The following KCNIP4 variants were observed in gnomAD, a reference collection of about 807,000 sequenced individuals.
KCNIP4 encodes the protein Kv channel-interacting protein 4.
Under a neutral mutation model 34.0 loss-of-function variants are expected in KCNIP4, and 12 were observed. That is an observed-to-expected ratio of 0.35 (90% CI 0.23 to 0.57). The LOEUF (loss-of-function observed/expected upper bound fraction) is 0.57, where lower values mean the gene tolerates loss of function less well. Ranked by LOEUF, KCNIP4 falls within the 20% of genes least tolerant of loss-of-function variation. The pLI, the probability that KCNIP4 is intolerant of heterozygous loss-of-function variation, is 0.83. For missense variants in KCNIP4, 238 were observed against 311.7 expected, an observed-to-expected ratio of 0.76 and a Z score of 1.78; for synonymous variants, 124 against 102.2, an observed-to-expected ratio of 1.21 and a Z score of -1.29.
chr4:21,673,217 A>G (rs1388237610), intron 1 of KCNIP4, among the ~76,000 whole-genome samples: 1 of 152,092 alleles, frequency 6.6e-6, no homozygotes, highest in East Asian at 1.9e-4. Flanking sequence ...AAATAAAACA[A>G]CTCTAATGAA....
At position 20,731,824 on chromosome 4, in the gene KCNIP4, A is replaced by T. The variant is rs924631500; in HGVS notation, c.705+182T>A. ...CATAGCCTGACTCAGTGGGCACTCT[A>T]AATGTTGATTATGTAATTGGTGCTT... On this transcript the variant is annotated intron_variant, in intron 8 of 8. Transcript: ENST00000382152. 3 of 985,230 alleles carry T rather than the reference A, an allele frequency of 3.0e-6. No individual in the cohort carries two copies. In the African/African-American group the frequency reaches 5.2e-5, roughly 17 times the overall value. The allele number at this position is 985,230 out of a possible 1,614,324, so 61.0% of individuals were successfully genotyped here.
intron 1 of KCNIP4, among the ~76,000 whole-genome samples, chr4:21,685,547 G>A (rs1362120401): frequency 2.6e-5 from 4 of 152,152 alleles, no homozygotes; most frequent in Non-Finnish European, 5.9e-5. Context: ...TGTGCTTGTG[G>A]AATGGGAGAG....
intron 1 of KCNIP4, among the ~76,000 whole-genome samples, chr4:21,055,105 G>A (rs527490403): frequency 6.6e-6 from 1 of 152,086 alleles, no homozygotes; most frequent in Admixed American, 6.5e-5. Flanking sequence ...ACATGTTAAA[G>A]ACCATAATAA....
chr4:21,358,427 T>G (rs1461306235), intron 1 of KCNIP4, among the ~76,000 whole-genome samples: 1 of 152,178 alleles, frequency 6.6e-6, no homozygotes, highest in Non-Finnish European at 1.5e-5. Context: ...CTCCGAACCT[T>G]ATTTGATTCA....
At chr4:21,359,201 C>A (rs770811248) in intron 1 of KCNIP4, among the ~76,000 whole-genome samples, 4 of 152,002 alleles carry the variant, frequency 2.6e-5, no homozygotes, top group African/African-American at 4.8e-5. Context: ...TAAAGAAATA[C>A]ATCTCCTTTT....
chr4:21,298,849 G>T (rs570563282), intron 1 of KCNIP4, among the ~76,000 whole-genome samples: 2 of 152,090 alleles, frequency 1.3e-5, no homozygotes, highest in Non-Finnish European at 2.9e-5. Flanking sequence ...TCCAAGAAAG[G>T]CTTGTGGAAA....
chr4:20,903,024 G>C (rs1483521299), intron 1 of KCNIP4, among the ~76,000 whole-genome samples: 1 of 152,114 alleles, frequency 6.6e-6, no homozygotes, highest in Non-Finnish European at 1.5e-5. Flanking sequence ...TCCTATATAT[G>C]TGGTGTGCAA....
At chr4:20,861,976 A>G (rs971231895) in intron 2 of KCNIP4, among the ~76,000 whole-genome samples, 3 of 140,538 alleles carry the variant, frequency 2.1e-5, no homozygotes, top group Non-Finnish European at 3.0e-5. Context: ...AGGAGTTATT[A>G]TTATTATTAT....
chr4:21,086,836 C>T (rs775561737), intron 1 of KCNIP4, among the ~76,000 whole-genome samples: 22 of 152,058 alleles, frequency 1.4e-4, no homozygotes, highest in Admixed American at 2.6e-4. Flanking sequence ...CTAGTCTTCA[C>T]ATGTTCCTTT....
intron 1 of KCNIP4, among the ~76,000 whole-genome samples, chr4:21,293,370 C>A (rs986985599): frequency 6.6e-6 from 1 of 152,152 alleles, no homozygotes; most frequent in East Asian, 1.9e-4. Context: ...AAAGTCCATA[C>A]TCTCTCCACT....
chr4:20,990,033 G>A (rs938462040), intron 1 of KCNIP4, among the ~76,000 whole-genome samples: 2 of 152,156 alleles, frequency 1.3e-5, no homozygotes, highest in African/African-American at 2.4e-5. Flanking sequence ...CAAGCCAGGC[G>A]AGAAAAATGA....
chr4:21,222,188 G>A (rs1758027482), intron 1 of KCNIP4, among the ~76,000 whole-genome samples: 1 of 152,118 alleles, frequency 6.6e-6, no homozygotes, highest in African/African-American at 2.4e-5. Flanking sequence ...AAAGAGATAA[G>A]TGTTTTAAGC....
At chr4:21,590,207 T>C (rs190616004) in intron 1 of KCNIP4, among the ~76,000 whole-genome samples, 1 of 152,172 alleles carries the variant, frequency 6.6e-6, no homozygotes, top group East Asian at 1.9e-4. Context: ...GGTGTCTCAC[T>C]CATTCTGGTT....
At chr4:21,940,585 T>TTAG (rs1433221630) in intron 1 of KCNIP4, among the ~76,000 whole-genome samples, 3 of 152,134 alleles carry the variant, frequency 2.0e-5, no homozygotes, top group South Asian at 2.1e-4. Context: ...TACTAAGTAG[T>TTAG]TTCTTTGTAA....
At chr4:21,881,147 A>C (rs1726436202) in intron 1 of KCNIP4, among the ~76,000 whole-genome samples, 1 of 152,056 alleles carries the variant, frequency 6.6e-6, no homozygotes, top group African/African-American at 2.4e-5. Context: ...AAATTCTCTT[A>C]TTTCACTCTA....
At chr4:20,734,778 A>AAAAC in intron 5 of KCNIP4, 43 bp from the exon 6 acceptor site, 2 of 1,163,022 alleles carry the variant, frequency 1.7e-6, no homozygotes, top group East Asian at 4.8e-5. Context: ...CATTTTTAAA[A>AAAAC]AAACAAAAAC....
intron 3 of KCNIP4, among the ~76,000 whole-genome samples, chr4:20,775,195 G>T (rs973446079): frequency 2.0e-5 from 3 of 152,146 alleles, no homozygotes; most frequent in African/African-American, 7.2e-5. Context: ...TTGTGCATAT[G>T]AATTTATTTC....
intron 1 of KCNIP4, among the ~76,000 whole-genome samples, chr4:21,556,971 G>T (rs118157935): frequency 1.6e-5 from 2 of 124,842 alleles, no homozygotes; most frequent in South Asian, 2.7e-4. Context: ...ATCAGTAGAC[G>T]TTACTTAAAG....
intron 1 of KCNIP4, among the ~76,000 whole-genome samples, chr4:21,740,264 A>G (rs544684467): frequency 2.6e-5 from 4 of 152,250 alleles, no homozygotes; most frequent in Non-Finnish European, 4.4e-5. Flanking sequence ...ACAGTAAACA[A>G]GTATAAAAAT....
Sources: gnomAD v4.1 joint callset for allele counts (sites outside exome capture counted in the v4.1 genomes callset) on GRCh38, gnomAD v4.1.1 for gene constraint, MANE v1.5 for transcripts, NCBI Gene and HGNC (gene_info 2026-07-23, HGNC 2026-07-21) for gene names.